The following NOX4 variants were observed in gnomAD, a reference collection of about 807,000 sequenced individuals.
The protein encoded by NOX4 is NADPH oxidase 4.
A neutral mutation model predicts 87.6 loss-of-function variants in NOX4; 69 were observed. The ratio of observed to expected loss-of-function variants is 0.79; its 90% CI spans 0.65 to 0.96. The LOEUF (loss-of-function observed/expected upper bound fraction) is 0.96. Among genes scored for constraint, NOX4 ranks in the 40% least tolerant of loss-of-function variants. The pLI is 0.00. For synonymous variants in NOX4, 275 were observed against 238.2 expected, an observed-to-expected ratio of 1.15 and a Z score of -1.42; for missense variants, 680 against 681.5, an observed-to-expected ratio of 1.00 and a Z score of 0.02.
chr11:89,549,988 A>T, the NOX4 span, among the ~76,000 whole-genome samples: 4 of 152,112 alleles, frequency 2.6e-5, no homozygotes, highest in Non-Finnish European at 5.9e-5. Flanking sequence ...TAGTAGAATG[A>T]TTTATAATCC....
At chr11:89,329,577 C>T (rs1945384160) in intron 17 of NOX4, among the ~76,000 whole-genome samples, 1 of 151,006 alleles carries the variant, frequency 6.6e-6, no homozygotes, top group South Asian at 2.1e-4. Flanking sequence ...AAACGAGTGA[C>T]AAAAAGAAAA....
At chr11:89,395,022 A>G (rs1055080908) in intron 11 of NOX4, among the ~76,000 whole-genome samples, 6 of 152,168 alleles carry the variant, frequency 3.9e-5, no homozygotes, top group African/African-American at 1.4e-4. Context: ...ATACCCAGTA[A>G]TGGGATCACA....
intron 2 of NOX4, among the ~76,000 whole-genome samples, chr11:89,471,541 G>T (rs1483231090): frequency 1.3e-5 from 2 of 152,072 alleles, no homozygotes; most frequent in Non-Finnish European, 2.9e-5. Flanking sequence ...TTTTTCCTAT[G>T]CCTATAAGTC....
At chr11:89,380,443 G>T (rs1331636325) in intron 11 of NOX4, among the ~76,000 whole-genome samples, 1 of 152,102 alleles carries the variant, frequency 6.6e-6, no homozygotes, top group East Asian at 1.9e-4. Context: ...AAAGATGGTT[G>T]ATTTAAGAGA....
At chr11:89,440,791 G>T (rs564515687) in intron 5 of NOX4, 76 bp from the exon 6 acceptor site, 22 of 795,630 alleles carry the variant, frequency 2.8e-5, no homozygotes, top group Middle Eastern at 7.4e-4. Context: ...GAGTATGCAG[G>T]ATCTACAAAC....
intron 12 of NOX4, among the ~76,000 whole-genome samples, chr11:89,370,662 A>G (rs1424687616): frequency 6.6e-6 from 1 of 152,062 alleles, no homozygotes; most frequent in African/African-American, 2.4e-5. Context: ...CATCTACTGT[A>G]CTAGCATCAT....
the NOX4 span, among the ~76,000 whole-genome samples, chr11:89,537,251 T>A: frequency 2.0e-5 from 3 of 152,200 alleles, no homozygotes; most frequent in Non-Finnish European, 4.4e-5. Flanking sequence ...TCTAAAATGA[T>A]GTTAAGCAAA....
the NOX4 span, chr11:89,534,164 A>G: frequency 1.3e-5 from 2 of 152,254 alleles, no homozygotes; most frequent in Admixed American, 6.5e-5. Context: ...ATGCCTAGAC[A>G]TTCTGAAGAA....
In NOX4 at chr11:89,452,322, G is replaced by A. The variant is rs189859434; in HGVS notation, c.154-427C>T. ...TTTTTCTCATGTGTTCTCTCTCTCTGGAACACTCTCAGTCTCCACACAACC... is the reference window on the plus strand; with the variant it reads ...TTTTTCTCATGTGTTCTCTCTCTCTAGAACACTCTCAGTCTCCACACAACC... On this transcript the variant is annotated intron_variant, in intron 2 of 17. Transcript: ENST00000263317. 1.4e-3 allele frequency among the ~76,000 whole-genome samples: 220 copies of A among 152,068 alleles called. 1 individual carries two copies. Among genetic ancestry groups the A allele is most frequent in the African/African-American group, 3.8e-3 (159 of 41,496 alleles).
At chr11:89,553,403 G>A in the NOX4 span, among the ~76,000 whole-genome samples, 3 of 152,162 alleles carry the variant, frequency 2.0e-5, no homozygotes, top group Non-Finnish European at 2.9e-5. Context: ...TGCTATTATC[G>A]TAAGTTTCCT....
intron 7 of NOX4, among the ~76,000 whole-genome samples, chr11:89,429,062 A>G (rs370308699): frequency 1.2e-3 from 187 of 152,360 alleles, no homozygotes; most frequent in South Asian, 8.7e-3. Flanking sequence ...AACTCACTCA[A>G]AACCGCTCAA....
At chr11:89,529,707 A>T in the NOX4 span, among the ~76,000 whole-genome samples, 1 of 152,222 alleles carries the variant, frequency 6.6e-6, no homozygotes, top group African/African-American at 2.4e-5. Context: ...TGGCCAAAGG[A>T]GATACACAAA....
At chr11:89,404,912 A>G (rs1942083066) in intron 8 of NOX4, among the ~76,000 whole-genome samples, 1 of 152,164 alleles carries the variant, frequency 6.6e-6, no homozygotes, top group Non-Finnish European at 1.5e-5. Flanking sequence ...TATTACACAG[A>G]TGAGAAACCT....
At chr11:89,355,583 A>G (rs1349096592) in intron 12 of NOX4, among the ~76,000 whole-genome samples, 1 of 152,050 alleles carries the variant, frequency 6.6e-6, no homozygotes, top group Non-Finnish European at 1.5e-5. Context: ...TGCAATGTGA[A>G]TCAAAACCAG....
Position 89,449,495 on chromosome 11 carries a change from C to G in NOX4, c.294G>C (p.Leu98Phe), listed in dbSNP as rs764537749. The change falls in exon 4 of 18, where the codon TTG becomes TTC. Residue 98 changes from leucine (L) to phenylalanine (F), a missense_variant. Physicochemically the swap from Leu to Phe is conservative, Grantham distance 22. Transcript: ENST00000263317. ...KVPSRRTRRL[L>F]DKSRTFHITC... Reference sequence around the variant, plus strand: ...TAATATGGAATGTTCTGCTTTTATCCAACAATCTCCTGGTTCTCCTGCTTG... The same window carrying G: ...TAATATGGAATGTTCTGCTTTTATCGAACAATCTCCTGGTTCTCCTGCTTG... 1 of 1,611,892 alleles carries G rather than the reference C, an allele frequency of 6.2e-7. No individual in the cohort carries two copies. Among genetic ancestry groups the G allele is most frequent in the South Asian group, 1.1e-5 (1 of 90,856 alleles).
At chr11:89,408,984 C>T (rs1942330164) in intron 8 of NOX4, among the ~76,000 whole-genome samples, 1 of 151,858 alleles carries the variant, frequency 6.6e-6, no homozygotes, top group Non-Finnish European at 1.5e-5. Context: ...TCCTTGAGTA[C>T]CTGAAGTAAA....
At chr11:89,455,717 GTCAT>G (rs749099481) in intron 2 of NOX4, among the ~76,000 whole-genome samples, 1 of 59,234 alleles carries the variant, frequency 1.7e-5, no homozygotes, top group Admixed American at 2.4e-4. Flanking sequence ...AGAAGATGAA[GTCAT>G]ATATATATAT....
the NOX4 span, chr11:89,533,548 G>C: frequency 2.7e-5 from 4 of 150,836 alleles, no homozygotes; most frequent in African/African-American, 9.7e-5. Flanking sequence ...TTGAAAAAAA[G>C]CTGCTCTAGA....
the NOX4 span, among the ~76,000 whole-genome samples, chr11:89,505,924 T>C: frequency 6.6e-6 from 1 of 151,796 alleles, no homozygotes; most frequent in African/African-American, 2.4e-5. Flanking sequence ...TGATGAAGAA[T>C]AGTGATCCCT....
Sources: allele counts gnomAD v4.1 joint callset (sites outside exome capture counted in the v4.1 genomes callset), GRCh38; gene constraint gnomAD v4.1.1; transcripts MANE v1.5; gene names NCBI Gene and HGNC (gene_info 2026-07-23, HGNC 2026-07-21).